The following SLC6A5 variants were observed in gnomAD, a reference collection of about 807,000 sequenced individuals.
The protein encoded by SLC6A5 is solute carrier family 6 member 5, also known as sodium- and chloride-dependent glycine transporter 2.
In SLC6A5, 58 loss-of-function variants were observed where a neutral mutation model predicts 90.5. That is an observed-to-expected ratio of 0.64 (90% CI 0.52 to 0.80). The LOEUF (loss-of-function observed/expected upper bound fraction) is 0.80, where lower values mean the gene tolerates loss of function less well. SLC6A5 is among the 30% of genes least tolerant of loss of function. The pLI, the probability that SLC6A5 is intolerant of heterozygous loss-of-function variation, is 0.00. For missense variants in SLC6A5, 1,015 were observed against 1,017.6 expected (o/e 1.00, Z 0.03); for synonymous variants, 427 against 401.4 (o/e 1.06, Z -0.76).
At chr11:20,628,294 G>C (rs2276430) in intron 9 of SLC6A5, among the ~76,000 whole-genome samples, 1 of 152,158 alleles carries the variant, frequency 6.6e-6, no homozygotes, top group Non-Finnish European at 1.5e-5. Context: ...CTGACACATG[G>C]GGGAGGCTCA....
At position 20,630,432 on chromosome 11, in the gene SLC6A5, G is replaced by A. The variant is rs1331064449; in HGVS notation, c.1500-259G>A. Among the ~76,000 whole-genome samples the A allele has an allele frequency of 2.6e-5, 4 of 152,236 alleles. No individual in the cohort carries two copies. In the East Asian group the frequency reaches 5.8e-4, roughly 22 times the overall value. ...GGGGGATTCAGACCACAGCAGATGA[G>A]TTGAGACCCATTTATATAGATCGTG... On this transcript the variant is annotated intron_variant, in intron 9 of 15. Coordinates refer to ENST00000525748, the MANE Select transcript of SLC6A5 (RefSeq NM_004211.5).
chr11:20,638,889 T>G (rs888059479), intron 13 of SLC6A5, among the ~76,000 whole-genome samples: 1 of 152,194 alleles, frequency 6.6e-6, no homozygotes, highest in African/African-American at 2.4e-5. Context: ...GAGGCTACTT[T>G]GCAGGCGTGA....
chr11:20,629,567 T>C (rs946370069), intron 9 of SLC6A5, among the ~76,000 whole-genome samples: 11 of 152,218 alleles, frequency 7.2e-5, no homozygotes, highest in Non-Finnish European at 1.5e-4. Flanking sequence ...TTTCGGTACA[T>C]GTATACAATG....
chr11:20,610,775 G>T (rs1852679069), intron 5 of SLC6A5, among the ~76,000 whole-genome samples: 1 of 152,152 alleles, frequency 6.6e-6, no homozygotes, highest in Admixed American at 6.5e-5. Context: ...CTCAACCAGG[G>T]GAGATTTTGC....
rs1344045702 is a variant in SLC6A5 at position 20,658,124 on chromosome 11, T to C, written c.*3256T>C. 6.6e-6 allele frequency: 1 copy of C among 152,210 alleles called. No individual in the cohort carries two copies. The highest frequency in any genetic ancestry group is 1.5e-5 in the Non-Finnish European group (1 of 68,042). 9.4% of individuals were successfully genotyped at this position (152,210 alleles called of 1,614,324 possible). On this transcript the variant is annotated 3_prime_UTR_variant, in exon 16 of 16. Transcript: ENST00000525748. ...AGGACTTGGGTTGTTTTTATGGTAA[T>C]GTTGCATTGGAGTTGAGTTTTCCTT...
At chr11:20,642,083 C>T (rs561805902) in intron 13 of SLC6A5, among the ~76,000 whole-genome samples, 102 of 151,732 alleles carry the variant, frequency 6.7e-4, no homozygotes, top group East Asian at 1.9e-3. Flanking sequence ...AGACTGGAGA[C>T]GTAATTTGTG....
At chr11:20,651,836 G>C (rs922163855) in intron 14 of SLC6A5, among the ~76,000 whole-genome samples, 3 of 151,984 alleles carry the variant, frequency 2.0e-5, no homozygotes, top group Non-Finnish European at 2.9e-5. Flanking sequence ...GAACCTGGGA[G>C]GGGGAGGTTG....
At chr11:20,650,708 C>T (rs1853511172) in intron 14 of SLC6A5, among the ~76,000 whole-genome samples, 2 of 135,952 alleles carry the variant, frequency 1.5e-5, no homozygotes, top group South Asian at 4.8e-4. Context: ...GCTCTGTCGC[C>T]CAGGCTGGAG....
chr11:20,636,481 G>C, intron 11 of SLC6A5, 62 bp downstream of exon 11: 1 of 1,066,248 alleles, frequency 9.4e-7, no homozygotes, highest in South Asian at 1.3e-5. Context: ...CCTCTCCTGG[G>C]TCCTGGGTTC....
At chr11:20,630,619 G>T (rs944017054) in intron 9 of SLC6A5, 72 bp from the exon 10 acceptor site, 52 of 1,563,882 alleles carry the variant, frequency 3.3e-5, no homozygotes, top group Non-Finnish European at 4.4e-5. Context: ...GCACACATTT[G>T]TGTGTCCTTC....
At chr11:20,613,335 A>T (rs1852727979) in intron 5 of SLC6A5, among the ~76,000 whole-genome samples, 2 of 152,196 alleles carry the variant, frequency 1.3e-5, no homozygotes, top group African/African-American at 4.8e-5. Flanking sequence ...TGTTATTGTT[A>T]CTATGTGCTC....
chr11:20,629,092 TCAGTGTAGCCCTGGGTTA>T (rs1853057866), intron 9 of SLC6A5: 2 of 152,018 alleles, frequency 1.3e-5, no homozygotes, highest in Non-Finnish European at 1.5e-5. Context: ...AACCAGGATT[TCAGTGTAGCCCTGGGTTA>T]CAGTGTAGCC....
intron 8 of SLC6A5, among the ~76,000 whole-genome samples, chr11:20,627,456 G>A (rs575910246): frequency 6.6e-6 from 1 of 152,290 alleles, no homozygotes; most frequent in Non-Finnish European, 1.5e-5. Flanking sequence ...CTAGGATTGA[G>A]TTTGATTGCA....
At chr11:20,618,662 T>C (rs954489906) in intron 7 of SLC6A5, among the ~76,000 whole-genome samples, 3 of 152,052 alleles carry the variant, frequency 2.0e-5, no homozygotes, top group Non-Finnish European at 4.4e-5. Flanking sequence ...GAAGGTTGGG[T>C]GCAGTGGCTC....
chr11:20,632,761 A>G (rs1565283528), intron 10 of SLC6A5, among the ~76,000 whole-genome samples: 2 of 152,232 alleles, frequency 1.3e-5, no homozygotes, highest in Admixed American at 1.3e-4. Context: ...CCTGCATTCA[A>G]CCTGAGCCCC....
intron 13 of SLC6A5, among the ~76,000 whole-genome samples, chr11:20,642,851 G>A (rs1240721901): frequency 6.6e-6 from 1 of 152,206 alleles, no homozygotes; most frequent in Admixed American, 6.5e-5. Flanking sequence ...GGTGCAGGAG[G>A]GTTGCGTGAC....
intron 7 of SLC6A5, among the ~76,000 whole-genome samples, chr11:20,618,834 G>A (rs1384983052): frequency 6.6e-6 from 1 of 152,088 alleles, no homozygotes; most frequent in Non-Finnish European, 1.5e-5. Flanking sequence ...CTACTTGGGA[G>A]GCTGAGGCAG....
In SLC6A5 at chr11:20,637,085, T is replaced by C; in HGVS notation, c.1738-87T>C. ...AACCAAACCTAACACAAATACAACT[T>C]TCCTGGATGGGACATACAAAGGGCT... On this transcript the variant is annotated intron_variant, in intron 11 of 15. Coordinates refer to ENST00000525748, the MANE Select transcript of SLC6A5 (RefSeq NM_004211.5). 4.3e-6 allele frequency: 6 copies of C among 1,390,150 alleles called. No homozygotes were observed. In the South Asian group the frequency reaches 5.9e-5, roughly 14 times the overall value. 86.1% of individuals were successfully genotyped at this position (1,390,150 alleles called of 1,614,324 possible). A position where few individuals can be genotyped will look rare whatever the true frequency, so the allele number is the denominator to read the frequency against.
chr11:20,608,307 G>A (rs1300554736), intron 5 of SLC6A5, among the ~76,000 whole-genome samples: 2 of 152,144 alleles, frequency 1.3e-5, no homozygotes, highest in African/African-American at 2.4e-5. Flanking sequence ...AAATAGATTG[G>A]GACTTGAGGC....
Sources: allele counts gnomAD v4.1 joint callset (sites outside exome capture counted in the v4.1 genomes callset), GRCh38; gene constraint gnomAD v4.1.1; transcripts MANE v1.5; gene names NCBI Gene and HGNC (gene_info 2026-07-23, HGNC 2026-07-21).